The following PPIP5K2 variants were observed in gnomAD, a reference collection of about 807,000 sequenced individuals.
PPIP5K2 encodes diphosphoinositol pentakisphosphate kinase 2.
Under a neutral mutation model 154.6 loss-of-function variants are expected in PPIP5K2, and 105 were observed. The observed-to-expected ratio is 0.68, with a 90% CI of 0.58 to 0.80. PPIP5K2 has a LOEUF of 0.80. PPIP5K2 is among the 30% of genes least tolerant of loss of function. PPIP5K2 has a pLI of 0.00. For synonymous variants in PPIP5K2, 480 were observed against 490.3 expected (o/e 0.98, Z 0.28); for missense variants, 992 against 1,504.6 (o/e 0.66, Z 5.64).
intron 11 of PPIP5K2, among the ~76,000 whole-genome samples, chr5:103,154,450 G>A (rs1795090003): frequency 6.6e-6 from 1 of 152,010 alleles, no homozygotes; most frequent in South Asian, 2.1e-4. Flanking sequence ...TTGAAAAGTA[G>A]TATGGTGATT....
rs1554214358 is a variant in PPIP5K2, at chr5:103,158,322, T to TA, written c.1615+10dup. 2 of 1,604,358 alleles carry TA rather than the reference T, an allele frequency of 1.2e-6. No individual in the cohort carries two copies. Among genetic ancestry groups the TA allele is most frequent in the Admixed American group, 3.5e-5 (2 of 57,072 alleles). Reference sequence around the variant, plus strand: ...GTATCCTGGAGGTCAAGGTAAATCTTAGAGTTTTCTTTAATTTGACTAATT... The same window carrying TA: ...GTATCCTGGAGGTCAAGGTAAATCTTAAGAGTTTTCTTTAATTTGACTAATT... On this transcript the variant is annotated intron_variant, in intron 15 of 30. Transcript: ENST00000358359.
intron 17 of PPIP5K2, among the ~76,000 whole-genome samples, 179 bp downstream of exon 17, chr5:103,159,507 G>A (rs531623210): frequency 6.6e-6 from 1 of 152,068 alleles, no homozygotes; most frequent in Non-Finnish European, 1.5e-5. Context: ...CTTTTCAATC[G>A]CAACCCATTC....
At chr5:103,129,159 A>G (rs2149452156) in intron 1 of PPIP5K2, 147 bp from the exon 2 acceptor site, 1 of 152,434 alleles carries the variant, frequency 6.6e-6, no homozygotes, top group African/African-American at 2.4e-5. Flanking sequence ...TATTATAAGT[A>G]ATTTTCTTAT....
intron 24 of PPIP5K2, among the ~76,000 whole-genome samples, chr5:103,182,447 G>T (rs1448490448): frequency 6.6e-6 from 1 of 152,056 alleles, no homozygotes; most frequent in Non-Finnish European, 1.5e-5. Context: ...GTAAAATCTT[G>T]AAGACTTTTT....
At chr5:103,126,399 AC>A (rs782444498) in intron 1 of PPIP5K2, among the ~76,000 whole-genome samples, 8 of 152,168 alleles carry the variant, frequency 5.3e-5, no homozygotes, top group African/African-American at 1.7e-4. Context: ...TTGGATACAT[AC>A]TTTTTTTTCC....
At chr5:103,193,510 A>G (rs1300047183) in intron 29 of PPIP5K2, among the ~76,000 whole-genome samples, 2 of 151,954 alleles carry the variant, frequency 1.3e-5, no homozygotes, top group Admixed American at 6.6e-5. Context: ...ACAATATCAG[A>G]TTGGAGAAAA....
At position 103,183,368 on chromosome 5, in the gene PPIP5K2, A is replaced by T; in HGVS notation, c.3057A>T (p.Ser1019=). The change falls in exon 25 of 31, where the codon TCA becomes TCT. Residue 1019 remains serine, a synonymous_variant. Transcript: ENST00000358359. The part of the protein sequence containing the change: ...QITSSPVSPK[S]LAFTSSIFGS... The stretch of plus-strand genomic sequence containing the variant: ...CTTCTTCCCCTGTCTCCCCCAAATC[A>T]TTGGCTTTCACATCCAGTATTTTTG... 1.2e-6 allele frequency: 2 copies of T among 1,610,634 alleles called. No homozygotes were observed. The highest frequency in any genetic ancestry group is 1.7e-6 in the Non-Finnish European group (2 of 1,179,038).
At chr5:103,189,759 G>A (rs1289191361) in intron 28 of PPIP5K2, among the ~76,000 whole-genome samples, 2 of 151,934 alleles carry the variant, frequency 1.3e-5, no homozygotes, top group Non-Finnish European at 2.9e-5. Flanking sequence ...TGAGAATTAG[G>A]CAGTTCTTGG....
chr5:103,174,920 C>T (rs1478006287), intron 21 of PPIP5K2, among the ~76,000 whole-genome samples: 1 of 152,060 alleles, frequency 6.6e-6, no homozygotes, highest in Non-Finnish European at 1.5e-5. Context: ...TTCCCACATA[C>T]AAAACTCAAT....
At chr5:103,195,876 ACAGT>A (rs1802014128) in intron 30 of PPIP5K2, among the ~76,000 whole-genome samples, 1 of 152,164 alleles carries the variant, frequency 6.6e-6, no homozygotes, top group Non-Finnish European at 1.5e-5. Context: ...TTTGTGCTTA[ACAGT>A]CAGAGAAACC....
At chr5:103,138,968 A>G (rs1792062744) in intron 5 of PPIP5K2, among the ~76,000 whole-genome samples, 3 of 152,210 alleles carry the variant, frequency 2.0e-5, no homozygotes, top group South Asian at 2.1e-4. Flanking sequence ...CTGATAGCCA[A>G]CTTTTCATTT....
intron 20 of PPIP5K2, 36 bp downstream of exon 20, chr5:103,173,318 A>T: frequency 4.4e-6 from 7 of 1,583,922 alleles, no homozygotes; most frequent in Non-Finnish European, 6.0e-6. Context: ...ATCTCTAGGC[A>T]TCTATTTTTG....
chr5:103,158,108 G>C, intron 14 of PPIP5K2, 80 bp from the exon 15 acceptor site: 2 of 1,443,778 alleles, frequency 1.4e-6, no homozygotes, highest in Non-Finnish European at 1.9e-6. Context: ...GCAGAAGAGA[G>C]CACAGAGAAA....
intron 5 of PPIP5K2, among the ~76,000 whole-genome samples, chr5:103,140,227 T>A (rs1554205953): frequency 1.3e-5 from 2 of 150,062 alleles, no homozygotes; most frequent in East Asian, 3.9e-4. Flanking sequence ...AGAACATAGA[T>A]CATGGTAGAA....
intron 17 of PPIP5K2, 47 bp from the exon 18 acceptor site, chr5:103,167,132 C>A: frequency 1.5e-6 from 2 of 1,378,556 alleles, no homozygotes; most frequent in Non-Finnish European, 1.9e-6. Flanking sequence ...TTCTCTTAGA[C>A]AATTAGGCAT....
At chr5:103,162,697 T>C (rs1312341852) in intron 17 of PPIP5K2, among the ~76,000 whole-genome samples, 1 of 152,130 alleles carries the variant, frequency 6.6e-6, no homozygotes, top group Non-Finnish European at 1.5e-5. Flanking sequence ...GTTATAGTTT[T>C]TCATGATTTC....
At chr5:103,124,715 A>G (rs1720172575) in intron 1 of PPIP5K2, among the ~76,000 whole-genome samples, 1 of 152,224 alleles carries the variant, frequency 6.6e-6, no homozygotes, top group Non-Finnish European at 1.5e-5. Flanking sequence ...TTTGTACAGT[A>G]TCCTGGGGAA....
chr5:103,142,471 A>C (rs1792948925), intron 5 of PPIP5K2, among the ~76,000 whole-genome samples: 1 of 152,330 alleles, frequency 6.6e-6, no homozygotes, highest in Non-Finnish European at 1.5e-5. Flanking sequence ...TGGCCAGCCC[A>C]GAAAGGGGCT....
intron 18 of PPIP5K2, 85 bp downstream of exon 18, chr5:103,167,405 T>A: frequency 8.4e-7 from 1 of 1,191,212 alleles, no homozygotes; most frequent in Non-Finnish European, 1.1e-6. Context: ...AATCTTGTTG[T>A]AAGAAATCAA....
Sources: allele counts gnomAD v4.1 joint callset (sites outside exome capture counted in the v4.1 genomes callset), GRCh38; gene constraint gnomAD v4.1.1; transcripts MANE v1.5; gene names NCBI Gene and HGNC (gene_info 2026-07-23, HGNC 2026-07-21).